Variants in DLGAP2 observed in about 807,000 individuals in gnomAD.
The protein encoded by DLGAP2 is DLG associated protein 2.
DLGAP2 carries 26 observed loss-of-function variants against 100.3 expected under a neutral mutation model. That is an observed-to-expected ratio of 0.26 (90% CI 0.19 to 0.36). The LOEUF (loss-of-function observed/expected upper bound fraction) is 0.36, where lower values mean the gene tolerates loss of function less well. DLGAP2 is among the 10% of genes least tolerant of loss of function. The pLI is 1.00. For missense variants in DLGAP2, 1,858 were observed against 1,453.2 expected, an observed-to-expected ratio of 1.28 and a Z score of -4.53; for synonymous variants, 886 against 630.1, an observed-to-expected ratio of 1.41 and a Z score of -6.08.
rs1554467364 is a variant in DLGAP2 at position 1,430,011 on chromosome 8, T to TATATAC, written c.107-71350_107-71349insCATATA. Among the ~76,000 whole-genome samples, 272 of 63,958 alleles carry TATATAC rather than the reference T, an allele frequency of 4.3e-3. 35 individuals carry two copies. The highest frequency in any genetic ancestry group is 4.3e-3 in the Non-Finnish European group (128 of 30,002). The allele number at this position is 63,958 out of a possible 152,430, so 42.0% of individuals were successfully genotyped here. A position where few individuals can be genotyped will look rare whatever the true frequency, so the allele number is the denominator to read the frequency against. On this transcript the variant is annotated intron_variant, in intron 3 of 14. Coordinates refer to ENST00000637795, the MANE Select transcript of DLGAP2 (RefSeq NM_001346810.2). ...GGGGAGAGATGCATATATATACATA[T>TATATAC]ATATATATATATATATACACACACA...
intron 1 of DLGAP2, among the ~76,000 whole-genome samples, chr8:765,017 GC>G (rs1160618360): frequency 6.6e-6 from 1 of 152,188 alleles, no homozygotes; most frequent in East Asian, 1.9e-4. Context: ...GTGGTAGTGA[GC>G]AAATTTTATT....
intron 8 of DLGAP2, among the ~76,000 whole-genome samples, chr8:1,639,842 C>T (rs531579872): frequency 4.7e-4 from 71 of 152,324 alleles, no homozygotes; most frequent in African/African-American, 1.6e-3. Context: ...CAAGCCTCCT[C>T]GTCTGACTCT....
chr8:1,087,582 C>A (rs575498245), intron 2 of DLGAP2, among the ~76,000 whole-genome samples: 1 of 150,056 alleles, frequency 6.7e-6, no homozygotes, highest in African/African-American at 2.4e-5. Context: ...TCTCTCTGTG[C>A]CATCTTCATC....
intron 2 of DLGAP2, among the ~76,000 whole-genome samples, chr8:981,667 C>G (rs1163499194): frequency 6.6e-6 from 1 of 152,140 alleles, no homozygotes; most frequent in Non-Finnish European, 1.5e-5. Flanking sequence ...ATTTCCCTGA[C>G]AATTAGTGAC....
At chr8:1,060,675 G>A (rs1803053855) in intron 2 of DLGAP2, among the ~76,000 whole-genome samples, 1 of 152,196 alleles carries the variant, frequency 6.6e-6, no homozygotes, top group African/African-American at 2.4e-5. Context: ...ACATTTTGGG[G>A]GATGATGTTC....
intron 2 of DLGAP2, among the ~76,000 whole-genome samples, chr8:1,093,524 G>GCCAGACCA (rs1804257896): frequency 6.6e-6 from 1 of 150,498 alleles, no homozygotes; most frequent in Non-Finnish European, 1.5e-5. Flanking sequence ...CAGCCAGACC[G>GCCAGACCA]AAACACCTTC....
intron 2 of DLGAP2, among the ~76,000 whole-genome samples, chr8:1,160,094 C>T (rs1190646876): frequency 6.6e-6 from 1 of 152,252 alleles, no homozygotes; most frequent in Non-Finnish European, 1.5e-5. Context: ...TCTCCCACAG[C>T]CCGGAAGCTG....
At chr8:795,308 G>A (rs1231693486) in intron 1 of DLGAP2, among the ~76,000 whole-genome samples, 2 of 152,178 alleles carry the variant, frequency 1.3e-5, no homozygotes, top group Non-Finnish European at 2.9e-5. Context: ...TGACTCATCA[G>A]TGCTGAACTC....
chr8:1,238,201 TTC>T (rs747710768), intron 2 of DLGAP2, among the ~76,000 whole-genome samples: 10 of 32,680 alleles, frequency 3.1e-4, no homozygotes, highest in African/African-American at 6.9e-4. Context: ...TCATGTCTAG[TTC>T]TCTCTCACAT....
Position 1,316,560 on chromosome 8 carries a change from C to G in DLGAP2, c.106+57677C>G, listed in dbSNP as rs551220737. On this transcript the variant is annotated intron_variant, in intron 3 of 14. Transcript: ENST00000637795. ...TTTAAAAATAGAGGCTGTGCGAGTG[C>G]AGCGTCTCTCCAACAGTGGTCTACA... Among the ~76,000 whole-genome samples, 260 of 134,524 alleles carry G rather than the reference C, an allele frequency of 1.9e-3. 13 individuals are homozygous for G. The highest frequency in any genetic ancestry group is 2.1e-3 in the Non-Finnish European group (132 of 61,720). 88.3% of individuals were successfully genotyped at this position (134,524 alleles called of 152,430 possible).
chr8:998,338 T>A (rs1295753598), intron 2 of DLGAP2, among the ~76,000 whole-genome samples: 1 of 152,208 alleles, frequency 6.6e-6, no homozygotes, highest in Admixed American at 6.5e-5. Flanking sequence ...TCTTGCTCTG[T>A]CACCCAGGCT....
At chr8:1,078,447 C>T (rs1803695504) in intron 2 of DLGAP2, among the ~76,000 whole-genome samples, 2 of 152,152 alleles carry the variant, frequency 1.3e-5, no homozygotes, top group Admixed American at 6.5e-5. Flanking sequence ...CACATCCAGC[C>T]TTGGTGTTGC....
At position 930,819 on chromosome 8, in the gene DLGAP2, A is replaced by C. The variant is rs190040452; in HGVS notation, c.73+22853A>C. Among the ~76,000 whole-genome samples, 30 of 152,296 alleles carry C rather than the reference A, an allele frequency of 2.0e-4. No homozygotes were observed. In the East Asian group the frequency reaches 5.6e-3, roughly 28 times the overall value. ...GTCCTGTGAACAGTGAAAACCAGGG[A>C]ACTCAGATTTACATCCCGTTTATTA... On this transcript the variant is annotated intron_variant, in intron 2 of 14. Coordinates refer to ENST00000637795, the MANE Select transcript of DLGAP2 (RefSeq NM_001346810.2).
intron 1 of DLGAP2, among the ~76,000 whole-genome samples, chr8:763,516 C>T (rs1354393347): frequency 6.6e-6 from 1 of 152,168 alleles, no homozygotes; most frequent in Non-Finnish European, 1.5e-5. Flanking sequence ...ACTTCTAAGA[C>T]CATTCCTCAT....
chr8:837,877 C>T (rs1158224799), intron 1 of DLGAP2, among the ~76,000 whole-genome samples: 4 of 147,174 alleles, frequency 2.7e-5, no homozygotes, highest in South Asian at 2.2e-4. Flanking sequence ...TCACCACGCC[C>T]GGCTAGTTGT....
At chr8:1,345,170 C>A (rs905852878) in intron 3 of DLGAP2, among the ~76,000 whole-genome samples, 1 of 73,558 alleles carries the variant, frequency 1.4e-5, no homozygotes, top group Admixed American at 1.5e-4. Flanking sequence ...TTCATTAGGG[C>A]CCAGTACATT....
At chr8:1,434,963 T>A (rs1224733136) in intron 3 of DLGAP2, among the ~76,000 whole-genome samples, 1 of 152,226 alleles carries the variant, frequency 6.6e-6, no homozygotes, top group Non-Finnish European at 1.5e-5. Flanking sequence ...CCCTGGACTC[T>A]TGATCTTGTG....
At chr8:1,460,600 T>G (rs1798446292) in intron 3 of DLGAP2, among the ~76,000 whole-genome samples, 1 of 152,192 alleles carries the variant, frequency 6.6e-6, no homozygotes, top group African/African-American at 2.4e-5. Context: ...GGTTTTTCAT[T>G]GATAGAATTG....
chr8:1,450,965 A>G (rs1328680011), intron 3 of DLGAP2, among the ~76,000 whole-genome samples: 2 of 152,138 alleles, frequency 1.3e-5, no homozygotes, highest in Admixed American at 1.3e-4. Context: ...GAAATGCATC[A>G]TACCTCGTAA....
Sources: gnomAD v4.1 joint callset for allele counts (sites outside exome capture counted in the v4.1 genomes callset) on GRCh38, gnomAD v4.1.1 for gene constraint, MANE v1.5 for transcripts, NCBI Gene and HGNC (gene_info 2026-07-23, HGNC 2026-07-21) for gene names.